DNAAF9: variants seen among roughly 807,000 people sequenced by gnomAD.
DNAAF9 encodes the protein shulin.
Under a neutral mutation model 167.0 loss-of-function variants are expected in DNAAF9, and 90 were observed. The ratio of observed to expected loss-of-function variants is 0.54; its 90% CI spans 0.45 to 0.64. DNAAF9 has a LOEUF of 0.64. DNAAF9 is among the 30% of genes least tolerant of loss of function. The probability of loss-of-function intolerance (pLI) is 0.00; values close to 1 mark genes in which losing one functional copy is unlikely to be tolerated. For missense variants in DNAAF9, 1,315 were observed against 1,442.2 expected (o/e 0.91, Z 1.43); for synonymous variants, 491 against 508.8 (o/e 0.96, Z 0.47).
At chr20:3,292,636 C>A (rs1471873210) in intron 25 of DNAAF9, among the ~76,000 whole-genome samples, 1 of 151,932 alleles carries the variant, frequency 6.6e-6, no homozygotes, top group Non-Finnish European at 1.5e-5. Context: ...CTTGGTGGCA[C>A]ATGCCTGTAA....
chr20:3,350,132 G>GACAC (rs1306670611), intron 7 of DNAAF9, among the ~76,000 whole-genome samples: 2 of 137,644 alleles, frequency 1.5e-5, no homozygotes, highest in African/African-American at 2.8e-5. Flanking sequence ...CAGACACACA[G>GACAC]ACACACAGAC....
intron 6 of DNAAF9, 32 bp downstream of exon 6, chr20:3,374,016 C>CA: frequency 7.0e-7 from 1 of 1,420,438 alleles, no homozygotes; most frequent in Non-Finnish European, 1.0e-6. Flanking sequence ...CAGTGGCAGA[C>CA]AAAAACTAGG....
At chr20:3,362,343 G>A in intron 6 of DNAAF9, 2 of 689,514 alleles carry the variant, frequency 2.9e-6, no homozygotes, top group East Asian at 2.5e-5. Flanking sequence ...GCTGTCGCTT[G>A]AAGCGGTTTA....
chr20:3,287,609 T>A, intron 27 of DNAAF9, 23 bp downstream of exon 27: 1 of 1,613,010 alleles, frequency 6.2e-7, no homozygotes, highest in Non-Finnish European at 8.5e-7. Context: ...TTCGACTGTT[T>A]CCAGGAGACT....
chr20:3,354,621 T>C (rs1273545621), intron 7 of DNAAF9, among the ~76,000 whole-genome samples: 1 of 152,216 alleles, frequency 6.6e-6, no homozygotes, highest in African/African-American at 2.4e-5. Context: ...GAAAGCCTCC[T>C]TCTCTCTCTG....
chr20:3,351,101 C>G (rs533325430), intron 7 of DNAAF9, among the ~76,000 whole-genome samples: 104 of 152,172 alleles, frequency 6.8e-4, no homozygotes, highest in Non-Finnish European at 1.2e-3. Flanking sequence ...AAAAATCAAC[C>G]CTGAAACTGA....
At chr20:3,316,865 A>C in intron 17 of DNAAF9, 72 bp from the exon 18 acceptor site, 1 of 963,456 alleles carries the variant, frequency 1.0e-6, no homozygotes, top group Non-Finnish European at 1.6e-6. Context: ...CCAGACCCTA[A>C]ATGCCCTTCT....
At chr20:3,394,949 C>T (rs6139111) in intron 1 of DNAAF9, among the ~76,000 whole-genome samples, 15,143 of 101,296 alleles carry the variant, frequency 0.15, 1,553 homozygotes, top group Non-Finnish European at 0.16. Flanking sequence ...TTTCTTTTTT[C>T]TTTTTTTTTT....
chr20:3,260,930 T>A (rs1243896223), intron 31 of DNAAF9, among the ~76,000 whole-genome samples: 1 of 151,836 alleles, frequency 6.6e-6, no homozygotes, highest in Non-Finnish European at 1.5e-5. Context: ...CCATAGCCGG[T>A]CTTGCTCCCA....
intron 31 of DNAAF9, among the ~76,000 whole-genome samples, chr20:3,260,753 C>CT: frequency 6.6e-6 from 1 of 152,064 alleles, no homozygotes; most frequent in South Asian, 2.1e-4. Context: ...CCTCAGCCTC[C>CT]TGAGTAGCTG....
chr20:3,320,703 TA>T (rs1279170306), intron 16 of DNAAF9, among the ~76,000 whole-genome samples: 8 of 152,162 alleles, frequency 5.3e-5, no homozygotes, highest in Non-Finnish European at 1.0e-4. Flanking sequence ...ATTACAACCT[TA>T]AAAAAATTAC....
chr20:3,253,828 GA>G lies in DNAAF9; in HGVS notation c.3328-10del. 2.1e-6 allele frequency: 3 copies of G among 1,447,522 alleles called. No individual in the cohort carries two copies. The highest frequency in any genetic ancestry group is 1.4e-5 in the African/African-American group (1 of 71,820). The allele number at this position is 1,447,522 out of a possible 1,614,324, so 89.7% of individuals were successfully genotyped here. A position where few individuals can be genotyped will look rare whatever the true frequency, so the allele number is the denominator to read the frequency against. ...TCCAAGTGGCGTTTTACCTGTAGGA[GA>G]AAAGAGACCTGTAATAATTATCTGA... On this transcript the variant is annotated splice_polypyrimidine_tract_variant and intron_variant, in intron 35 of 36. Transcript: ENST00000252032.
chr20:3,357,747 G>A (rs191385597), intron 7 of DNAAF9, among the ~76,000 whole-genome samples: 11 of 151,898 alleles, frequency 7.2e-5, no homozygotes, highest in Admixed American at 5.2e-4. Flanking sequence ...GCTGGAGTGT[G>A]GAGCGCAATG....
chr20:3,396,919 GGGCGATA>G (rs1285776307), intron 1 of DNAAF9, among the ~76,000 whole-genome samples: 12 of 152,334 alleles, frequency 7.9e-5, no homozygotes, highest in Middle Eastern at 6.8e-3. Flanking sequence ...ACAGACTGAA[GGGCGATA>G]AAAGTTGAAC....
At chr20:3,270,275 T>C (rs930767712) in intron 30 of DNAAF9, 152 bp downstream of exon 30, 40 of 650,568 alleles carry the variant, frequency 6.1e-5, no homozygotes, top group African/African-American at 5.8e-4. Context: ...CCCGAGTAGC[T>C]GGGACTATAG....
At chr20:3,253,598 T>C (rs1004286861) in intron 36 of DNAAF9, 128 bp downstream of exon 36, 3 of 671,372 alleles carry the variant, frequency 4.5e-6, no homozygotes, top group Non-Finnish European at 2.7e-6. Flanking sequence ...GACCCATCAG[T>C]GGACATGCAG....
intron 21 of DNAAF9, 94 bp downstream of exon 21, chr20:3,304,346 G>A (rs2069249321): frequency 6.8e-6 from 5 of 733,880 alleles, no homozygotes; most frequent in Middle Eastern, 2.3e-4. Flanking sequence ...ACTGCCCTGT[G>A]GTAGTGGAGG....
intron 9 of DNAAF9, among the ~76,000 whole-genome samples, chr20:3,342,465 T>A (rs896068373): frequency 9.9e-5 from 15 of 152,234 alleles, no homozygotes; most frequent in African/African-American, 3.4e-4. Flanking sequence ...TTCCTTTTTT[T>A]AAACCATGAA....
intron 23 of DNAAF9, chr20:3,295,812 T>C (rs563021623): frequency 1.8e-4 from 162 of 876,410 alleles, no homozygotes; most frequent in Non-Finnish European, 2.6e-4. Context: ...CAGTGGATCA[T>C]CAAAATTCAA....
Sources: gnomAD v4.1 joint callset for allele counts (sites outside exome capture counted in the v4.1 genomes callset) on GRCh38, gnomAD v4.1.1 for gene constraint, MANE v1.5 for transcripts, NCBI Gene and HGNC (gene_info 2026-07-23, HGNC 2026-07-21) for gene names.